USP15: variants seen among roughly 807,000 people sequenced by gnomAD.
USP15 encodes the protein ubiquitin specific peptidase 15.
Under a neutral mutation model 127.1 loss-of-function variants are expected in USP15, and 18 were observed. The ratio of observed to expected loss-of-function variants is 0.14; its 90% CI spans 0.10 to 0.21. The LOEUF is 0.21. Among genes scored for constraint, USP15 ranks in the 10% least tolerant of loss-of-function variants. The pLI, the probability that USP15 is intolerant of heterozygous loss-of-function variation, is 1.00. For synonymous variants in USP15, 364 were observed against 393.7 expected, an observed-to-expected ratio of 0.92 and a Z score of 0.89; for missense variants, 805 against 1,159.9, an observed-to-expected ratio of 0.69 and a Z score of 4.44.
chr12:62,331,559 C>T (rs2065302267), intron 6 of USP15, among the ~76,000 whole-genome samples: 1 of 152,136 alleles, frequency 6.6e-6, no homozygotes, highest in Non-Finnish European at 1.5e-5. Flanking sequence ...AGTAGGCACA[C>T]GTGAAACCAC....
intron 8 of USP15, among the ~76,000 whole-genome samples, chr12:62,358,366 T>A (rs1386819087): frequency 6.6e-6 from 1 of 152,142 alleles, no homozygotes; most frequent in Non-Finnish European, 1.5e-5. Context: ...ATGGTATGAG[T>A]ATTAACCTTG....
intron 8 of USP15, among the ~76,000 whole-genome samples, chr12:62,362,805 T>C (rs2066358360): frequency 6.6e-6 from 1 of 152,188 alleles, no homozygotes; most frequent in Admixed American, 6.5e-5. Context: ...TCATGAATTA[T>C]GATAAGTATC....
chr12:62,290,368 T>TG (rs1315055792), intron 1 of USP15, among the ~76,000 whole-genome samples: 1 of 152,182 alleles, frequency 6.6e-6, no homozygotes, highest in Non-Finnish European at 1.5e-5. Flanking sequence ...TATAATAACT[T>TG]TGTGTATTTT....
intron 5 of USP15, among the ~76,000 whole-genome samples, chr12:62,324,446 A>G (rs1457347392): frequency 6.6e-6 from 1 of 152,034 alleles, no homozygotes; most frequent in African/African-American, 2.4e-5. Context: ...TATAGTTAAT[A>G]TGTAACTGTT....
At chr12:62,325,824 A>T in intron 5 of USP15, 48 bp from the exon 6 acceptor site, 1 of 1,485,620 alleles carries the variant, frequency 6.7e-7, no homozygotes, top group Non-Finnish European at 9.2e-7. Flanking sequence ...AAGTTATTTT[A>T]ACTTCAGAGT....
chr12:62,268,061 C>T (rs2063241423), intron 1 of USP15, among the ~76,000 whole-genome samples: 1 of 152,018 alleles, frequency 6.6e-6, no homozygotes, highest in Non-Finnish European at 1.5e-5. Flanking sequence ...ATAGTTGTGG[C>T]TATGGTTTAC....
intron 6 of USP15, among the ~76,000 whole-genome samples, chr12:62,337,004 T>C (rs965853639): frequency 3.9e-5 from 6 of 152,214 alleles, no homozygotes; most frequent in Non-Finnish European, 7.3e-5. Context: ...TTGGGAAATA[T>C]TCACGGAGTT....
At chr12:62,341,971 T>C (rs2065662116) in intron 6 of USP15, among the ~76,000 whole-genome samples, 1 of 152,158 alleles carries the variant, frequency 6.6e-6, no homozygotes, top group African/African-American at 2.4e-5. Context: ...TTGAGGAAGT[T>C]CTCCTGAGAG....
chr12:62,327,776 T>A, intron 6 of USP15: 1 of 358,634 alleles, frequency 2.8e-6, no homozygotes, highest in Admixed American at 4.2e-5. Context: ...TATTGGTGAA[T>A]ACAGGTGCTG....
At chr12:62,359,260 C>T (rs1228318397) in intron 8 of USP15, among the ~76,000 whole-genome samples, 1 of 129,198 alleles carries the variant, frequency 7.7e-6, no homozygotes, top group African/African-American at 2.9e-5. Context: ...AAAAAAGAAA[C>T]ACATAAAAAA....
chr12:62,409,305 T>C lies in USP15; in HGVS notation c.*4930T>C, dbSNP rs1425543640. The C allele has an allele frequency of 1.3e-5, 2 of 152,108 alleles. No individual in the cohort carries two copies. Among genetic ancestry groups the C allele is most frequent in the African/African-American group, 4.8e-5 (2 of 41,428 alleles). 9.4% of individuals were successfully genotyped at this position (152,108 alleles called of 1,614,324 possible). On this transcript the variant is annotated 3_prime_UTR_variant, in exon 22 of 22. Transcript: ENST00000280377. ...CAAGGAAAATCAGGAATTTACGTAA[T>C]ATATTGGACTACAGTCTCAAAGGAC...
chr12:62,329,533 T>G (rs1451576495), intron 6 of USP15, among the ~76,000 whole-genome samples: 1 of 152,150 alleles, frequency 6.6e-6, no homozygotes, highest in Non-Finnish European at 1.5e-5. Flanking sequence ...GATGTCAGCT[T>G]TGGAACTTTT....
intron 20 of USP15, among the ~76,000 whole-genome samples, chr12:62,398,710 C>T (rs1293102914): frequency 6.6e-6 from 1 of 152,060 alleles, no homozygotes; most frequent in Non-Finnish European, 1.5e-5. Flanking sequence ...GTTCCTTAAA[C>T]GTGTGTATGC....
chr12:62,412,401 C>G lies in USP15; in HGVS notation c.*8026C>G, dbSNP rs1197927364. 6.6e-6 allele frequency: 1 copy of G among 152,250 alleles called. No individual in the cohort carries two copies. The highest frequency in any genetic ancestry group is 1.5e-5 in the Non-Finnish European group (1 of 68,114). 9.4% of individuals were successfully genotyped at this position (152,250 alleles called of 1,614,324 possible). On this transcript the variant is annotated 3_prime_UTR_variant, in exon 22 of 22. Transcript: ENST00000280377. ...AAGTTTGCTTCATCAATTGACTCTT[C>G]CTTTTACAAGAGATTTCTCTGGCAT...
At chr12:62,302,718 A>G (rs530524844) in intron 2 of USP15, 72 bp from the exon 3 acceptor site, 4 of 1,463,056 alleles carry the variant, frequency 2.7e-6, no homozygotes, top group African/African-American at 1.4e-5. Context: ...ATTAGCCTTC[A>G]TGAGTTTAAT....
At chr12:62,356,087 G>C (rs956004715) in intron 8 of USP15, among the ~76,000 whole-genome samples, 3 of 150,686 alleles carry the variant, frequency 2.0e-5, no homozygotes, top group South Asian at 2.1e-4. Context: ...TAATATCACT[G>C]TTACTGTGTA....
In USP15 at chr12:62,413,855, C is replaced by A. The variant is rs74387341; in HGVS notation, c.*9480C>A. Reference sequence around the variant, plus strand: ...TTGGCTCAAGAGGCCTAGCTTTCAGCTTGCCTTGGCTTTCAACATGCTTTC... The same window carrying A: ...TTGGCTCAAGAGGCCTAGCTTTCAGATTGCCTTGGCTTTCAACATGCTTTC... On this transcript the variant is annotated 3_prime_UTR_variant, in exon 22 of 22. Coordinates refer to ENST00000280377, the MANE Select transcript of USP15 (RefSeq NM_001252078.2). 0.022 allele frequency: 3,351 copies of A among 152,316 alleles called. 126 individuals carry two copies. Among genetic ancestry groups the A allele is most frequent in the African/African-American group, 0.075 (3,114 of 41,558 alleles). 9.4% of individuals were successfully genotyped at this position (152,316 alleles called of 1,614,324 possible).
Position 62,412,337 on chromosome 12 carries a change from A to G in USP15, c.*7962A>G, listed in dbSNP as rs995204520. ...ACCAGGATGGTGGTTGCTGAAGGTT[A>G]GGGTGGCCGTGGCAATTTTTTACAA... is the stretch of plus-strand genomic sequence containing the variant. On this transcript the variant is annotated 3_prime_UTR_variant, in exon 22 of 22. Coordinates refer to ENST00000280377, the MANE Select transcript of USP15 (RefSeq NM_001252078.2). The G allele has an allele frequency of 1.3e-5, 2 of 152,170 alleles. No homozygotes were observed. Among genetic ancestry groups the G allele is most frequent in the African/African-American group, 4.8e-5 (2 of 41,430 alleles). 9.4% of individuals were successfully genotyped at this position (152,170 alleles called of 1,614,324 possible). A position where few individuals can be genotyped will look rare whatever the true frequency, so the allele number is the denominator to read the frequency against.
intron 1 of USP15, among the ~76,000 whole-genome samples, chr12:62,271,541 A>T (rs778189222): frequency 6.6e-6 from 1 of 151,814 alleles, no homozygotes; most frequent in South Asian, 2.1e-4. Context: ...GGAAGTCCCA[A>T]TTTTTCTTAG....
Sources: allele counts gnomAD v4.1 joint callset (sites outside exome capture counted in the v4.1 genomes callset), GRCh38; gene constraint gnomAD v4.1.1; transcripts MANE v1.5; gene names NCBI Gene and HGNC (gene_info 2026-07-23, HGNC 2026-07-21).